The following LPAR6 variants were observed in gnomAD, a reference collection of about 807,000 sequenced individuals.
The protein encoded by LPAR6 is lysophosphatidic acid receptor 6, also known as G-protein coupled purinergic receptor P2Y5.
A neutral mutation model predicts 22.0 loss-of-function variants in LPAR6; 17 were observed. The observed-to-expected ratio is 0.77, with a 90% CI of 0.53 to 1.16. LPAR6 has a LOEUF of 1.16. Ranked by LOEUF, LPAR6 falls within the 50% of genes most tolerant of loss-of-function variation. The probability of loss-of-function intolerance (pLI) is 0.00; values close to 1 mark genes in which losing one functional copy is unlikely to be tolerated. For missense variants in LPAR6, 384 were observed against 406.9 expected (o/e 0.94, Z 0.48); for synonymous variants, 136 against 139.8 (o/e 0.97, Z 0.19).
At chr13:48,404,484 G>A (rs1444365153) in intron 1 of LPAR6, among the ~76,000 whole-genome samples, 3 of 151,528 alleles carry the variant, frequency 2.0e-5, no homozygotes, top group Admixed American at 1.3e-4. Flanking sequence ...GGGGGCTTCA[G>A]ATGGAAAGGG....
At chr13:48,413,650 C>T (rs547980115), upstream of LPAR6, among the ~76,000 whole-genome samples, 2 of 152,244 alleles carry the variant, frequency 1.3e-5, no homozygotes, top group African/African-American at 4.8e-5. Context: ...TCCTGGGTCT[C>T]ATTAGTTTTT....
rs147111726 is a variant in LPAR6, at chr13:48,420,566, G to A, written c.-954+2084C>T. ...GTTAGAAAAGAGGAAGAAATAAAGC[G>A]TATTCAAGTAGGAAGAGAGGAAATT... On this transcript the variant is annotated intron_variant, in intron 2 of 4. Coordinates refer to the LPAR6 transcript ENST00000345941. Among the ~76,000 whole-genome samples, 978 of 152,256 alleles carry A rather than the reference G, an allele frequency of 6.4e-3. 11 individuals are homozygous for A. Among genetic ancestry groups the A allele is most frequent in the African/African-American group, 0.022 (918 of 41,534 alleles).
chr13:48,412,491 A>G lies in LPAR6; in HGVS notation c.-68T>C. 1 of 1,000,530 alleles carries G rather than the reference A, an allele frequency of 1.0e-6. No individual in the cohort carries two copies. Among genetic ancestry groups the G allele is most frequent in the Non-Finnish European group, 1.6e-6 (1 of 619,324 alleles). 62.0% of individuals were successfully genotyped at this position (1,000,530 alleles called of 1,614,324 possible). A position where few individuals can be genotyped will look rare whatever the true frequency, so the allele number is the denominator to read the frequency against. ...AGCTGCAGTCTCCTTTGGGATTCAG[A>G]TTATAACCTCTATAACCTCCAATTT... is the stretch of plus-strand genomic sequence containing the variant. On this transcript the variant is annotated 5_prime_UTR_variant, in exon 1 of 1. Coordinates refer to ENST00000620633, the MANE Select transcript of LPAR6 (RefSeq NM_001162498.3).
intron 1 of LPAR6, among the ~76,000 whole-genome samples, chr13:48,398,426 G>A (rs1463149712): frequency 6.6e-6 from 1 of 151,966 alleles, no homozygotes; most frequent in Non-Finnish European, 1.5e-5. Context: ...TTCCCACTAT[G>A]TCTATTTTTC....
chr13:48,391,590 A>C (rs1246791047), intron 1 of LPAR6: 2 of 152,170 alleles, frequency 1.3e-5, no homozygotes, highest in Non-Finnish European at 2.9e-5. Context: ...CTCTGTCTCT[A>C]TTCTTATAAA....
intron 1 of LPAR6, among the ~76,000 whole-genome samples, chr13:48,402,831 T>C (rs1169064468): frequency 1.3e-5 from 2 of 152,188 alleles, no homozygotes; most frequent in African/African-American, 4.8e-5. Context: ...TAAAGTATAG[T>C]AATTTTTGTC....
At chr13:48,397,881 G>A (rs1948661039) in intron 1 of LPAR6, among the ~76,000 whole-genome samples, 1 of 152,096 alleles carries the variant, frequency 6.6e-6, no homozygotes, top group Admixed American at 6.6e-5. Flanking sequence ...AACCAAAAAG[G>A]ATATCTGTTG....
At chr13:48,430,765 C>CA (rs58163880), upstream of LPAR6, among the ~76,000 whole-genome samples, 108 of 150,060 alleles carry the variant, frequency 7.2e-4, 2 homozygotes, top group African/African-American at 2.6e-3. Flanking sequence ...AACAAACAAA[C>CA]AAAAAAAAAA....
intron 2 of LPAR6, among the ~76,000 whole-genome samples, chr13:48,422,002 C>T (rs1949013071): frequency 1.3e-5 from 2 of 152,124 alleles, no homozygotes; most frequent in African/African-American, 2.4e-5. Context: ...TTTGACCCAG[C>T]AAGCCCATTA....
At chr13:48,400,571 C>T (rs532764730) in intron 1 of LPAR6, among the ~76,000 whole-genome samples, 3 of 152,196 alleles carry the variant, frequency 2.0e-5, no homozygotes, top group South Asian at 4.1e-4. Flanking sequence ...TTTGAATTAG[C>T]GGATCTTACT....
chr13:48,394,366 C>T (rs1004549042), intron 1 of LPAR6, among the ~76,000 whole-genome samples: 2 of 152,154 alleles, frequency 1.3e-5, no homozygotes, highest in African/African-American at 4.8e-5. Flanking sequence ...AGTTTTCTTT[C>T]GTACTCCAGT....
In LPAR6 at chr13:48,394,671, C is replaced by T. The variant is rs755846407; in HGVS notation, n.115-4859G>A. The stretch of plus-strand genomic sequence containing the variant: ...AGAGCCTACCACAGCTCCCTAAATC[C>T]GCTGTAGCCAGACTGCCTTTCTAGA... On this transcript the variant is annotated intron_variant and non_coding_transcript_variant, in intron 1 of 1. Transcript: ENST00000462781. Among the ~76,000 whole-genome samples the T allele has an allele frequency of 1.7e-4, 26 of 152,316 alleles. 1 individual carries two copies. The Middle Eastern group carries it at 0.01, about 60-fold the overall frequency.
chr13:48,400,532 TAC>T (rs1212691704), intron 1 of LPAR6, among the ~76,000 whole-genome samples: 2 of 152,128 alleles, frequency 1.3e-5, no homozygotes, highest in Non-Finnish European at 2.9e-5. Flanking sequence ...TTGTGAGTGT[TAC>T]TATGCTATGG....
chr13:48,395,179 C>T (rs1229579523), intron 1 of LPAR6, among the ~76,000 whole-genome samples: 2 of 152,178 alleles, frequency 1.3e-5, no homozygotes, highest in Non-Finnish European at 2.9e-5. Flanking sequence ...GGAGAACTAA[C>T]AAACAGAAAT....
At chr13:48,435,272 A>G (rs924511837) in intron 1 of LPAR6, among the ~76,000 whole-genome samples, 2 of 152,148 alleles carry the variant, frequency 1.3e-5, no homozygotes, top group African/African-American at 4.8e-5. Flanking sequence ...TAGTGTAAGG[A>G]TATCTCAGTG....
intron 2 of LPAR6, among the ~76,000 whole-genome samples, chr13:48,421,267 C>T (rs1229400620): frequency 6.8e-6 from 1 of 147,388 alleles, no homozygotes; most frequent in Middle Eastern, 3.2e-3. Context: ...AAAGATGAGA[C>T]AAAGGATTCC....
At chr13:48,423,775 T>C (rs779723455) in intron 1 of LPAR6, among the ~76,000 whole-genome samples, 1 of 152,272 alleles carries the variant, frequency 6.6e-6, no homozygotes, top group South Asian at 2.1e-4. Flanking sequence ...CCAGGCATAG[T>C]GGTACACTCC....
intron 1 of LPAR6, among the ~76,000 whole-genome samples, chr13:48,393,817 T>A (rs1948628566): frequency 6.6e-6 from 1 of 152,238 alleles, no homozygotes; most frequent in South Asian, 2.1e-4. Context: ...CTCCTTTAAA[T>A]GTGTCAAATG....
At chr13:48,433,910 G>T (rs967963433) in intron 1 of LPAR6, among the ~76,000 whole-genome samples, 3 of 151,110 alleles carry the variant, frequency 2.0e-5, no homozygotes, top group Admixed American at 1.3e-4. Context: ...CTTTTTTTCA[G>T]ATAGGGTCTT....
Sources: gnomAD v4.1 joint callset for allele counts (sites outside exome capture counted in the v4.1 genomes callset) on GRCh38, gnomAD v4.1.1 for gene constraint, MANE v1.5 for transcripts, NCBI Gene and HGNC (gene_info 2026-07-23, HGNC 2026-07-21) for gene names.